PYGB: variants seen among roughly 807,000 people sequenced by gnomAD.
PYGB encodes glycogen phosphorylase, brain form.
A neutral mutation model predicts 94.3 loss-of-function variants in PYGB; 82 were observed. The ratio of observed to expected loss-of-function variants is 0.87; its 90% CI spans 0.73 to 1.04. The LOEUF is 1.04. Ranked by LOEUF, PYGB falls within the 50% of genes least tolerant of loss-of-function variation. PYGB has a pLI of 0.00. For synonymous variants in PYGB, 488 were observed against 479.1 expected (o/e 1.02, Z -0.24); for missense variants, 1,132 against 1,158.2 (o/e 0.98, Z 0.33).
At chr20:25,290,396 C>T in intron 15 of PYGB, 85 bp from the exon 16 acceptor site, 7 of 1,523,166 alleles carry the variant, frequency 4.6e-6, no homozygotes, top group South Asian at 1.2e-5. Context: ...AGCCTCACCC[C>T]CCTACAGACC....
chr20:25,267,742 G>C (rs1360436059), intron 2 of PYGB, among the ~76,000 whole-genome samples: 1 of 152,084 alleles, frequency 6.6e-6, no homozygotes, highest in Non-Finnish European at 1.5e-5. Context: ...TGTTGCCCAG[G>C]CTGGTCTTGA....
intron 2 of PYGB, among the ~76,000 whole-genome samples, chr20:25,263,703 C>T (rs1003021477): frequency 6.6e-6 from 1 of 152,164 alleles, no homozygotes; most frequent in African/African-American, 2.4e-5. Context: ...AATTCCTGGA[C>T]ACATACACCC....
In PYGB at chr20:25,259,274, G is replaced by A. The variant is rs769655708; in HGVS notation, c.281G>A (p.Arg94His). The A allele has an allele frequency of 1.8e-5, 29 of 1,611,306 alleles. No homozygotes were observed. Among genetic ancestry groups the A allele is most frequent in the Middle Eastern group, 1.7e-4 (1 of 6,060 alleles). Residue 94 changes from arginine to histidine, a missense_variant, in exon 2 of 20, where the codon CGC (arginine) becomes CAC (histidine). Transcript: ENST00000216962. ...CTTTCCCTGGAATTCTACATGGGTC[G>A]CACGCTGCAGAACACGATGGTGAAC... ...YYLSLEFYMG[R>H]TLQNTMVNLG...
intron 1 of PYGB, among the ~76,000 whole-genome samples, chr20:25,258,777 G>A (rs73904039): frequency 0.024 from 3,699 of 152,380 alleles, 139 homozygotes; most frequent in African/African-American, 0.081. Flanking sequence ...GGTGCTTCAC[G>A]TGGGTGCTAG....
rs1423523609 is a variant in PYGB at position 25,255,496 on chromosome 20, C to T, written c.244-3741C>T. On this transcript the variant is annotated intron_variant, in intron 1 of 19. Transcript: ENST00000216962. ...AGTGGCCTGTGTTCCTGTGTCTTAT[C>T]AGGGCCAGCTCTGTCCATAGTGCCT... Among the ~76,000 whole-genome samples the T allele has an allele frequency of 1.4e-4, 22 of 152,240 alleles. 1 individual carries two copies. Among genetic ancestry groups the T allele is most frequent in the Admixed American group, 1.4e-3 (22 of 15,292 alleles).
intron 1 of PYGB, 23 bp from the exon 2 acceptor site, chr20:25,259,214 T>C (rs201259662): frequency 7.1e-5 from 110 of 1,543,534 alleles, no homozygotes; most frequent in Non-Finnish European, 9.4e-5. Flanking sequence ...TGAGAAATCT[T>C]ATTCTTTCTT....
chr20:25,277,969 G>T lies in PYGB; in HGVS notation c.856-350G>T, dbSNP rs536899721. Among the ~76,000 whole-genome samples the T allele has an allele frequency of 1.4e-4, 21 of 152,372 alleles. No homozygotes were observed. In the East Asian group the frequency reaches 3.3e-3, roughly 24 times the overall value. ...TGCACACAGGAGCAAAGGCCTGGGTGCCGGAAGGCTCATCAAAGAGTGCAC... is the reference window on the plus strand; with the variant it reads ...TGCACACAGGAGCAAAGGCCTGGGTTCCGGAAGGCTCATCAAAGAGTGCAC... On this transcript the variant is annotated intron_variant, in intron 7 of 19. Coordinates refer to ENST00000216962, the MANE Select transcript of PYGB (RefSeq NM_002862.4).
intron 15 of PYGB, among the ~76,000 whole-genome samples, chr20:25,289,231 G>C (rs2088444537): frequency 6.6e-6 from 1 of 152,256 alleles, no homozygotes; most frequent in Non-Finnish European, 1.5e-5. Flanking sequence ...TTTGGTCTCT[G>C]TCCACTCCTG....
intron 14 of PYGB, among the ~76,000 whole-genome samples, chr20:25,287,727 C>A (rs1213378730): frequency 6.6e-6 from 1 of 152,108 alleles, no homozygotes; most frequent in Non-Finnish European, 1.5e-5. Flanking sequence ...CGCCTATAAT[C>A]CCTGCACTTT....
At chr20:25,283,997 C>G in intron 13 of PYGB, 107 bp from the exon 14 acceptor site, 1 of 1,372,352 alleles carries the variant, frequency 7.3e-7, no homozygotes, top group Non-Finnish European at 1.0e-6. Context: ...ATACCCCTGC[C>G]CCCTCCCTGC....
At chr20:25,264,187 C>T (rs1055848558) in intron 2 of PYGB, among the ~76,000 whole-genome samples, 5 of 152,208 alleles carry the variant, frequency 3.3e-5, no homozygotes, top group Non-Finnish European at 7.3e-5. Flanking sequence ...ATATGATTAT[C>T]TCAATTGATG....
At position 25,278,213 on chromosome 20, in the gene PYGB, CCT is replaced by C. The variant is rs1036897367; in HGVS notation, c.856-102_856-101del. 12 of 1,311,452 alleles carry C rather than the reference CCT, an allele frequency of 9.2e-6. No individual in the cohort carries two copies. The African/African-American group carries it at 1.7e-4, about 18-fold the overall frequency. 81.2% of individuals were successfully genotyped at this position (1,311,452 alleles called of 1,614,324 possible). On this transcript the variant is annotated intron_variant, in intron 7 of 19. Transcript: ENST00000216962. ...CAGTGTCAGGCAGCTGGGCTGGGCT[CCT>C]CTCGGCCTTCTGCCTGCACCTTTGA...
intron 2 of PYGB, among the ~76,000 whole-genome samples, chr20:25,262,575 G>T (rs2092915987): frequency 1.3e-5 from 2 of 151,994 alleles, no homozygotes; most frequent in African/African-American, 2.4e-5. Flanking sequence ...TCAGCTACCG[G>T]GCAGAATAAC....
intron 1 of PYGB, among the ~76,000 whole-genome samples, chr20:25,254,428 C>T (rs534353036): frequency 7.2e-5 from 11 of 152,126 alleles, no homozygotes; most frequent in East Asian, 1.9e-4. Flanking sequence ...AGCAAATAAC[C>T]GCAGGAGATA....
At chr20:25,280,850 T>C in intron 10 of PYGB, 99 bp from the exon 11 acceptor site, 3 of 1,452,092 alleles carry the variant, frequency 2.1e-6, no homozygotes, top group South Asian at 2.6e-5. Context: ...CAGCAGAGCT[T>C]CCCATGGGTG....
At chr20:25,283,335 G>A (rs1238668459) in intron 13 of PYGB, 58 bp downstream of exon 13, 7 of 1,486,778 alleles carry the variant, frequency 4.7e-6, no homozygotes, top group Non-Finnish European at 6.5e-6. Context: ...AGGCAGGTAG[G>A]CCCTGGCCCT....
At chr20:25,264,495 G>A (rs531252672) in intron 2 of PYGB, among the ~76,000 whole-genome samples, 1 of 152,282 alleles carries the variant, frequency 6.6e-6, no homozygotes, top group Non-Finnish European at 1.5e-5. Flanking sequence ...GTCCCTGTTT[G>A]CTGATGACAT....
chr20:25,255,521 T>TG (rs373400099), intron 1 of PYGB, among the ~76,000 whole-genome samples: 8 of 152,184 alleles, frequency 5.3e-5, no homozygotes, highest in African/African-American at 1.9e-4. Context: ...CCATAGTGCC[T>TG]GGGTGGCAGG....
rs2088343936 is a variant in PYGB, at chr20:25,279,265, A to C, written c.1092+116A>C. ...CTGGCCTTGGGAGAGCTGTGTGGTC[A>C]TCATGCCCAGGAGAGACGCGAGCTG... On this transcript the variant is annotated intron_variant, in intron 9 of 19. Coordinates refer to ENST00000216962, the MANE Select transcript of PYGB (RefSeq NM_002862.4). 9 of 1,151,768 alleles carry C rather than the reference A, an allele frequency of 7.8e-6. No individual in the cohort carries two copies. In the South Asian group the frequency reaches 1.2e-4, roughly 15 times the overall value. The allele number at this position is 1,151,768 out of a possible 1,614,324, so 71.3% of individuals were successfully genotyped here. A position where few individuals can be genotyped will look rare whatever the true frequency, so the allele number is the denominator to read the frequency against.
Sources: allele counts gnomAD v4.1 joint callset (sites outside exome capture counted in the v4.1 genomes callset), GRCh38; gene constraint gnomAD v4.1.1; transcripts MANE v1.5; gene names NCBI Gene and HGNC (gene_info 2026-07-23, HGNC 2026-07-21).